Variants in PCDHGA10 observed in about 807,000 individuals in gnomAD.
PCDHGA10 encodes the protein protocadherin gamma subfamily A, 10.
In PCDHGA10, 42 loss-of-function variants were observed where a neutral mutation model predicts 59.5. That is an observed-to-expected ratio of 0.71 (90% CI 0.55 to 0.91). The LOEUF (loss-of-function observed/expected upper bound fraction) is 0.91, where lower values mean the gene tolerates loss of function less well. Among genes scored for constraint, PCDHGA10 ranks in the 40% least tolerant of loss-of-function variants. The pLI is 0.00. For missense variants in PCDHGA10, 1,111 were observed against 1,198.2 expected (o/e 0.93, Z 1.07); for synonymous variants, 511 against 517.2 (o/e 0.99, Z 0.16).
rs768847018 is a variant in PCDHGA10 at position 141,431,426 on chromosome 5, A to C, written c.2436+15815A>C. On this transcript the variant is annotated intron_variant, in intron 1 of 3. Transcript: ENST00000398610. The surrounding 1 kb of genome is among the most constrained non-coding windows in gnomAD (Gnocchi z 4.8). ...CTCCGACGGGGGCGACCCGGTGCGCACAGGCACCGCGCGCATCCGCGTGAT... is the reference window on the plus strand; with the variant it reads ...CTCCGACGGGGGCGACCCGGTGCGCCCAGGCACCGCGCGCATCCGCGTGAT... 6.2e-7 allele frequency: 1 copy of C among 1,613,666 alleles called. No individual in the cohort carries two copies. The highest frequency in any genetic ancestry group is 1.1e-5 in the South Asian group (1 of 91,078).
chr5:141,417,830 G>C (rs2096166388), intron 1 of PCDHGA10: 1 of 1,527,028 alleles, frequency 6.5e-7, no homozygotes, highest in African/African-American at 1.4e-5. Flanking sequence ...AACTGGAAAA[G>C]CGGGGACCCA....
chr5:141,423,775 T>A, intron 1 of PCDHGA10: 1 of 1,209,960 alleles, frequency 8.3e-7, no homozygotes, highest in Non-Finnish European at 1.1e-6. Context: ...GCGGCATATA[T>A]TTAGTTCATA....
intron 1 of PCDHGA10, chr5:141,441,088 G>A (rs1050261040): frequency 3.9e-5 from 6 of 152,162 alleles, no homozygotes; most frequent in African/African-American, 1.4e-4. Context: ...GGTAGCAAGT[G>A]ACAGAGAGGG....
In PCDHGA10 at chr5:141,486,056, C is replaced by T; in HGVS notation, c.2437-8751C>T. 6.2e-7 allele frequency: 1 copy of T among 1,614,170 alleles called. No homozygotes were observed. The highest frequency in any genetic ancestry group is 8.5e-7 in the Non-Finnish European group (1 of 1,180,026). ...TGATCGTGTAAGAAACCTCTTTAGC[C>T]TGCACCCCACTACTGGAAAGCTTAC... On this transcript the variant is annotated intron_variant, in intron 1 of 3. Transcript: ENST00000398610. The surrounding 1 kb of genome is among the most constrained non-coding windows in gnomAD (Gnocchi z 5.0).
rs779183487 is a variant in PCDHGA10, at chr5:141,430,845, C to T, written c.2436+15234C>T. ...GGGACTCTGTGGGAGACCGGATGCA[C>T]CCAGATACGCTATTCAGTTCCGGAA... On this transcript the variant is annotated intron_variant, in intron 1 of 3. Coordinates refer to ENST00000398610, the MANE Select transcript of PCDHGA10 (RefSeq NM_018913.3). 27 of 1,575,514 alleles carry T rather than the reference C, an allele frequency of 1.7e-5. No individual in the cohort carries two copies. In the African/African-American group the frequency reaches 3.7e-4, roughly 21 times the overall value.
chr5:141,418,988 G>A, intron 1 of PCDHGA10: 1 of 1,613,946 alleles, frequency 6.2e-7, no homozygotes, highest in Non-Finnish European at 8.5e-7. Context: ...CCAAGACTCA[G>A]GGGAAAATGG....
At position 141,490,155 on chromosome 5, in the gene PCDHGA10, G is replaced by A. The variant is rs753981059; in HGVS notation, c.2437-4652G>A. On this transcript the variant is annotated intron_variant, in intron 1 of 3. Transcript: ENST00000398610. This position sits in a 1 kb window ranked among gnomAD's most constrained non-coding sequence, Gnocchi z 5.4. ...CTAGCAGTGGGGCAATCCATGTGTT[G>A]GGTCCCATAGACTTTGAGGAGTCAC... 2 of 1,614,214 alleles carry A rather than the reference G, an allele frequency of 1.2e-6. No individual in the cohort carries two copies. The highest frequency in any genetic ancestry group is 1.1e-5 in the South Asian group (1 of 91,086).
intron 1 of PCDHGA10, among the ~76,000 whole-genome samples, chr5:141,482,530 C>CAAAAAAAAAAAAAAAAAAAAAA (rs3074545): frequency 1.3e-5 from 1 of 76,562 alleles, no homozygotes. Context: ...GACAGACATG[C>CAAAAAAAAAAAAAAAAAAAAAA]AAAAAAAAAA....
At position 141,413,247 on chromosome 5, in the gene PCDHGA10, CGGGATTCCAT is replaced by C; in HGVS notation, c.77_86del (p.Ile26ArgfsTer15). 6.2e-7 allele frequency: 1 copy of C among 1,613,940 alleles called. No individual in the cohort carries two copies. The highest frequency in any genetic ancestry group is 1.1e-5 in the South Asian group (1 of 91,080). On this transcript the variant is annotated frameshift_variant, in exon 1 of 4. Transcript: ENST00000398610. LOFTEE classifies it high-confidence loss of function. ...GGCTGGTCCTGCTCTGCCTTTTCTT[CGGGATTCCAT>C]GGGAGGCTGGAGCCCGGCAGATCTC...
Position 141,477,426 on chromosome 5 carries a change from T to G in PCDHGA10, c.2437-17381T>G. 1 of 1,614,100 alleles carries G rather than the reference T, an allele frequency of 6.2e-7. No individual in the cohort carries two copies. Among genetic ancestry groups the G allele is most frequent in the East Asian group, 2.2e-5 (1 of 44,874 alleles). The stretch of plus-strand genomic sequence containing the variant: ...GCCCGAGACGCCGGAACCCCTTCCC[T>G]CTCAGCCCTTACAATAGTGCGTGTT... On this transcript the variant is annotated intron_variant, in intron 1 of 3. Coordinates refer to ENST00000398610, the MANE Select transcript of PCDHGA10 (RefSeq NM_018913.3). The surrounding 1 kb of genome is among the most constrained non-coding windows in gnomAD (Gnocchi z 4.9).
At position 141,429,460 on chromosome 5, in the gene PCDHGA10, C is replaced by T. The variant is rs528924726; in HGVS notation, c.2436+13849C>T. The stretch of plus-strand genomic sequence containing the variant: ...AAACTCTTGGGCTACAGTAATCCTC[C>T]CACCTCAATCTCCAGAGTAGCTGAG... On this transcript the variant is annotated intron_variant, in intron 1 of 3. Transcript: ENST00000398610. Among the ~76,000 whole-genome samples the T allele has an allele frequency of 1.6e-4, 25 of 151,938 alleles. 1 individual carries two copies. The South Asian group carries it at 4.6e-3, about 28-fold the overall frequency.
rs138641753 is a variant in PCDHGA10, at chr5:141,430,814, C to T, written c.2436+15203C>T. On this transcript the variant is annotated intron_variant, in intron 1 of 3. Transcript: ENST00000398610. ...CAAAGGGCTTGTCCTGCTGGGAATC[C>T]TCCTGGGGACTCTGTGGGAGACCGG... is the stretch of plus-strand genomic sequence containing the variant. 97 of 1,534,514 alleles carry T rather than the reference C, an allele frequency of 6.3e-5. No homozygotes were observed. The African/African-American group carries it at 1.1e-3, about 17-fold the overall frequency.
chr5:141,418,505 G>A, intron 1 of PCDHGA10: 1 of 1,614,006 alleles, frequency 6.2e-7, no homozygotes, highest in Non-Finnish European at 8.5e-7. Flanking sequence ...GACCGCCTTA[G>A]ATGGTGGGGA....
chr5:141,439,368 A>C (rs1346879772), intron 1 of PCDHGA10, among the ~76,000 whole-genome samples: 1 of 152,192 alleles, frequency 6.6e-6, no homozygotes, highest in East Asian at 1.9e-4. Flanking sequence ...CATCAAGAAG[A>C]AATAAAAATA....
chr5:141,435,979 C>T (rs1036607924), intron 1 of PCDHGA10, among the ~76,000 whole-genome samples: 4 of 152,008 alleles, frequency 2.6e-5, no homozygotes, highest in Non-Finnish European at 5.9e-5. Flanking sequence ...TGTGGTTCTA[C>T]TTGTGTGATT....
In PCDHGA10 at chr5:141,432,219, T is replaced by A. The variant is rs1327611752; in HGVS notation, c.2436+16608T>A. 6.2e-7 allele frequency: 1 copy of A among 1,614,122 alleles called. No homozygotes were observed. Among genetic ancestry groups the A allele is most frequent in the East Asian group, 2.2e-5 (1 of 44,868 alleles). On this transcript the variant is annotated intron_variant, in intron 1 of 3. Transcript: ENST00000398610. The surrounding 1 kb of genome is among the most constrained non-coding windows in gnomAD (Gnocchi z 6.0). The stretch of plus-strand genomic sequence containing the variant: ...CCCGACTGTGAAGAGAACGCCCAGA[T>A]CACTTATTCCCTGGCTGAGAACACC...
intron 1 of PCDHGA10, among the ~76,000 whole-genome samples, chr5:141,463,861 A>G (rs1308802167): frequency 1.3e-5 from 2 of 152,340 alleles, no homozygotes; most frequent in East Asian, 1.9e-4. Context: ...ATCTGGTTTC[A>G]CATGACTGAA....
At chr5:141,418,692 C>T in intron 1 of PCDHGA10, 5 of 1,614,032 alleles carry the variant, frequency 3.1e-6, no homozygotes, top group Non-Finnish European at 4.2e-6. Flanking sequence ...TCAGAGATCA[C>T]TTATTCCTTC....
At chr5:141,419,439 C>G (rs375537017) in intron 1 of PCDHGA10, 1 of 1,613,154 alleles carries the variant, frequency 6.2e-7, no homozygotes, top group Non-Finnish European at 8.5e-7. Context: ...CAGCTGCGCA[C>G]CTTCGAGCTC....
Sources: gnomAD v4.1 joint callset for allele counts (sites outside exome capture counted in the v4.1 genomes callset) on GRCh38, gnomAD v4.1.1 for gene constraint, Gnocchi (gnomAD v3.1) non-coding constraint, MANE v1.5 for transcripts, NCBI Gene and HGNC (gene_info 2026-07-23, HGNC 2026-07-21) for gene names.